NKAIN3: variants seen among roughly 807,000 people sequenced by gnomAD.
NKAIN3 encodes the protein sodium/potassium-transporting ATPase subunit beta-1-interacting protein 3.
In NKAIN3, 25 loss-of-function variants were observed where a neutral mutation model predicts 30.2. That is an observed-to-expected ratio of 0.83 (90% CI 0.60 to 1.16). NKAIN3 has a LOEUF of 1.16. Ranked by LOEUF, NKAIN3 falls within the 50% of genes most tolerant of loss-of-function variation. NKAIN3 has a pLI of 0.00. For synonymous variants in NKAIN3, 91 were observed against 89.6 expected, an observed-to-expected ratio of 1.02 and a Z score of -0.09; for missense variants, 225 against 254.1, an observed-to-expected ratio of 0.89 and a Z score of 0.78.
chr8:62,697,129 C>T (rs913699824), intron 3 of NKAIN3, among the ~76,000 whole-genome samples: 5 of 152,192 alleles, frequency 3.3e-5, no homozygotes, highest in Non-Finnish European at 5.9e-5. Context: ...CAGACCATTG[C>T]AGCCCCTAAT....
intron 1 of NKAIN3, among the ~76,000 whole-genome samples, chr8:62,556,513 G>A (rs745834079): frequency 8.6e-5 from 13 of 151,640 alleles, no homozygotes; most frequent in Non-Finnish European, 1.5e-4. Flanking sequence ...CAAAAGAGTT[G>A]ACTTAAAAGA....
intron 1 of NKAIN3, among the ~76,000 whole-genome samples, chr8:62,575,893 A>T (rs827679): frequency 0.9 from 137,438 of 152,148 alleles, 62,372 homozygotes; most frequent in African/African-American, 0.98. Context: ...TAAATGGGTC[A>T]GGGAAAACTG....
At chr8:62,594,927 T>A (rs777057629) in intron 3 of NKAIN3, among the ~76,000 whole-genome samples, 2 of 151,742 alleles carry the variant, frequency 1.3e-5, no homozygotes, top group Non-Finnish European at 2.9e-5. Flanking sequence ...AAAATATATA[T>A]TACATATATA....
intron 1 of NKAIN3, among the ~76,000 whole-genome samples, chr8:62,275,654 A>G (rs1254582958): frequency 1.3e-5 from 2 of 152,234 alleles, no homozygotes; most frequent in African/African-American, 4.8e-5. Flanking sequence ...GAGTAGAAGA[A>G]TCCTATGAAA....
rs890404392 is a variant in NKAIN3, at chr8:62,982,390, T to C, written c.*16983T>C. ...GCCCTTTCAATGTGGCGTTTCTGTT[T>C]CTTCCATAACCTCACAACGATATGT... On this transcript the variant is annotated 3_prime_UTR_variant, in exon 7 of 7. Transcript: ENST00000623646. 2 of 152,234 alleles carry C rather than the reference T, an allele frequency of 1.3e-5. No individual in the cohort carries two copies. The highest frequency in any genetic ancestry group is 2.9e-5 in the Non-Finnish European group (2 of 68,032). 9.4% of individuals were successfully genotyped at this position (152,234 alleles called of 1,614,324 possible). A position where few individuals can be genotyped will look rare whatever the true frequency, so the allele number is the denominator to read the frequency against.
At chr8:62,871,474 T>G (rs1461692620) in intron 4 of NKAIN3, among the ~76,000 whole-genome samples, 1 of 151,904 alleles carries the variant, frequency 6.6e-6, no homozygotes, top group Non-Finnish European at 1.5e-5. Flanking sequence ...ACCATTAGTG[T>G]GTGTGTGTGA....
chr8:62,796,383 CAAAAAAAAAAA>C (rs71255362), intron 4 of NKAIN3, among the ~76,000 whole-genome samples: 28 of 53,756 alleles, frequency 5.2e-4, no homozygotes, highest in East Asian at 5.0e-3. Flanking sequence ...GACTCTGTCT[CAAAAAAAAAAA>C]AAAAAAAAAA....
Position 62,649,891 on chromosome 8 carries a change from C to A in NKAIN3, c.273+60097C>A, listed in dbSNP as rs545339741. On this transcript the variant is annotated intron_variant, in intron 3 of 6. Coordinates refer to ENST00000623646, the MANE Select transcript of NKAIN3 (RefSeq NM_001304533.3). Reference sequence around the variant, plus strand: ...CCAAACAGGCCCCATCTATTTTAAACAACTGCAAAGTCCCCGTGATAATAG... The same window carrying A: ...CCAAACAGGCCCCATCTATTTTAAAAAACTGCAAAGTCCCCGTGATAATAG... Among the ~76,000 whole-genome samples the A allele has an allele frequency of 3.3e-5, 5 of 152,252 alleles. No individual in the cohort carries two copies. In the South Asian group the frequency reaches 6.2e-4, roughly 19 times the overall value.
intron 1 of NKAIN3, among the ~76,000 whole-genome samples, chr8:62,363,694 A>G (rs890372905): frequency 2.0e-5 from 3 of 152,236 alleles, no homozygotes; most frequent in African/African-American, 7.2e-5. Flanking sequence ...GAAATAATTT[A>G]TACTTGGAGT....
intron 1 of NKAIN3, among the ~76,000 whole-genome samples, chr8:62,461,575 G>T (rs12114937): frequency 0.15 from 22,150 of 152,134 alleles, 1,822 homozygotes; most frequent in East Asian, 0.38. Flanking sequence ...AATATTGTCT[G>T]AAGAACTAAA....
intron 1 of NKAIN3, among the ~76,000 whole-genome samples, chr8:62,459,535 G>A (rs1432279605): frequency 1.3e-5 from 2 of 152,086 alleles, no homozygotes; most frequent in Admixed American, 1.3e-4. Flanking sequence ...TTACATTTTG[G>A]TAGAAGAAGC....
At chr8:62,590,042 G>C (rs1435851187) in intron 3 of NKAIN3, among the ~76,000 whole-genome samples, 1 of 151,572 alleles carries the variant, frequency 6.6e-6, no homozygotes, top group East Asian at 1.9e-4. Context: ...TTATACTGAA[G>C]TGGGACTGAA....
At chr8:62,995,658 AG>A (rs968746612) in intron 5 of NKAIN3, among the ~76,000 whole-genome samples, 1 of 150,218 alleles carries the variant, frequency 6.7e-6, no homozygotes, top group Non-Finnish European at 1.5e-5. Context: ...GAGTTTAGAG[AG>A]GTAGGAAGGA....
intron 4 of NKAIN3, among the ~76,000 whole-genome samples, chr8:62,903,010 A>C (rs1280090999): frequency 6.6e-6 from 1 of 152,204 alleles, no homozygotes; most frequent in African/African-American, 2.4e-5. Context: ...TCACAGAAGT[A>C]TGTCACTGAA....
At chr8:62,960,054 C>A (rs1360216859) in intron 6 of NKAIN3, among the ~76,000 whole-genome samples, 1 of 152,210 alleles carries the variant, frequency 6.6e-6, no homozygotes, top group East Asian at 1.9e-4. Flanking sequence ...TCATGGACTA[C>A]TGTAAGAACA....
At chr8:62,686,936 CAG>C (rs1442306354) in intron 3 of NKAIN3, among the ~76,000 whole-genome samples, 1 of 152,114 alleles carries the variant, frequency 6.6e-6, no homozygotes, top group African/African-American at 2.4e-5. Context: ...CCAAGGCTAA[CAG>C]ATATTTAGAA....
At chr8:62,678,896 C>G (rs1813564981) in intron 3 of NKAIN3, among the ~76,000 whole-genome samples, 1 of 151,940 alleles carries the variant, frequency 6.6e-6, no homozygotes, top group South Asian at 2.1e-4. Flanking sequence ...TGTCATGTAT[C>G]TAGTGAATAA....
At chr8:62,719,844 C>A (rs1815031669) in intron 3 of NKAIN3, among the ~76,000 whole-genome samples, 1 of 150,806 alleles carries the variant, frequency 6.6e-6, no homozygotes, top group Non-Finnish European at 1.5e-5. Flanking sequence ...GCAAGCTCCG[C>A]CTCCCAGGTT....
intron 4 of NKAIN3, among the ~76,000 whole-genome samples, chr8:62,783,605 CTTTTT>C (rs386412917): frequency 8.2e-6 from 1 of 121,456 alleles, no homozygotes. Flanking sequence ...GCAGAATACA[CTTTTT>C]TTTTTTTTTT....
Sources: gnomAD v4.1 joint callset for allele counts (sites outside exome capture counted in the v4.1 genomes callset) on GRCh38, gnomAD v4.1.1 for gene constraint, MANE v1.5 for transcripts, NCBI Gene and HGNC (gene_info 2026-07-23, HGNC 2026-07-21) for gene names.